Variants in IGSF5 observed in about 807,000 individuals in gnomAD.
The protein encoded by IGSF5 is immunoglobulin superfamily member 5.
A neutral mutation model predicts 39.4 loss-of-function variants in IGSF5; 41 were observed. That is an observed-to-expected ratio of 1.04 (90% CI 0.81 to 1.35). IGSF5 has a LOEUF of 1.35. Among genes scored for constraint, IGSF5 ranks in the 40% most tolerant of loss-of-function variants. The pLI, the probability that IGSF5 is intolerant of heterozygous loss-of-function variation, is 0.00. For missense variants in IGSF5, 487 were observed against 494.6 expected, an observed-to-expected ratio of 0.98 and a Z score of 0.15; for synonymous variants, 183 against 175.3, an observed-to-expected ratio of 1.04 and a Z score of -0.34.
chr21:39,797,715 T>G (rs991259487), intron 8 of IGSF5, among the ~76,000 whole-genome samples: 1 of 151,568 alleles, frequency 6.6e-6, no homozygotes, highest in African/African-American at 2.4e-5. Context: ...GGAATGGGGG[T>G]CTCACTATTT....
intron 2 of IGSF5, among the ~76,000 whole-genome samples, chr21:39,759,062 A>G (rs1040993359): frequency 2.0e-5 from 3 of 148,596 alleles, no homozygotes; most frequent in Non-Finnish European, 4.4e-5. Flanking sequence ...AACTGTGTAG[A>G]CATGTTTTGC....
Position 39,779,291 on chromosome 21 carries a change from G to A in IGSF5, c.920G>A (p.Cys307Tyr). Reference sequence around the variant, plus strand: ...TGCTGCTGCCGTTGTTGTTTCTGCTGTAGAAGAAAAAGAGGTAATTTTTTT... The same window carrying A: ...TGCTGCTGCCGTTGTTGTTTCTGCTATAGAAGAAAAAGAGGTAATTTTTTT... The part of the protein sequence containing the change: ...CNCCCRCCFC[C>Y]RRKRGFRIQF... Residue 307 changes from cysteine (C) to tyrosine (Y), a missense_variant, in exon 5 of 9, where the codon TGT (cysteine) becomes TAT (tyrosine). Transcript: ENST00000380588. 6.2e-7 allele frequency: 1 copy of A among 1,612,114 alleles called. No homozygotes were observed. Among genetic ancestry groups the A allele is most frequent in the Non-Finnish European group, 8.5e-7 (1 of 1,178,702 alleles).
the IGSF5 span, among the ~76,000 whole-genome samples, chr21:39,721,087 A>G: frequency 6.6e-6 from 1 of 152,192 alleles, no homozygotes; most frequent in African/African-American, 2.4e-5. Flanking sequence ...GGGAGATTAA[A>G]TTAGTGAAGC....
intron 2 of IGSF5, among the ~76,000 whole-genome samples, chr21:39,753,456 T>C (rs1406267397): frequency 2.0e-5 from 3 of 152,126 alleles, no homozygotes; most frequent in South Asian, 4.1e-4. Context: ...TCTACAGTTG[T>C]TGGGAAGAAT....
the IGSF5 span, among the ~76,000 whole-genome samples, chr21:39,730,889 G>A: frequency 6.6e-6 from 1 of 152,158 alleles, no homozygotes; most frequent in Non-Finnish European, 1.5e-5. Flanking sequence ...GTCACTAATG[G>A]GAACTCCTGG....
At chr21:39,758,205 C>A (rs78189853) in intron 2 of IGSF5, among the ~76,000 whole-genome samples, 6,828 of 152,056 alleles carry the variant, frequency 0.045, 507 homozygotes, top group African/African-American at 0.15. Context: ...CACAGGAGGC[C>A]GCTGGAACAC....
At chr21:39,776,872 C>T (rs1237530893) in intron 4 of IGSF5, among the ~76,000 whole-genome samples, 1 of 152,200 alleles carries the variant, frequency 6.6e-6, no homozygotes, top group East Asian at 1.9e-4. Context: ...TTAACCCCAG[C>T]CAGCTCCCTT....
chr21:39,727,826 C>G, the IGSF5 span: 2 of 152,254 alleles, frequency 1.3e-5, no homozygotes, highest in African/African-American at 4.8e-5. Flanking sequence ...CTAATTTCAG[C>G]AGAGATGGGG....
the IGSF5 span, among the ~76,000 whole-genome samples, chr21:39,718,186 T>C: frequency 2.6e-5 from 4 of 152,212 alleles, no homozygotes; most frequent in Non-Finnish European, 4.4e-5. Context: ...GTGATTTTTG[T>C]ACATTGATTT....
intron 4 of IGSF5, among the ~76,000 whole-genome samples, chr21:39,778,537 C>T (rs2080152574): frequency 6.6e-6 from 1 of 152,118 alleles, no homozygotes; most frequent in Admixed American, 6.6e-5. Context: ...AAAGCAATTG[C>T]TGTGTGAGGA....
At chr21:39,772,228 C>T (rs993487250) in intron 4 of IGSF5, among the ~76,000 whole-genome samples, 8 of 152,104 alleles carry the variant, frequency 5.3e-5, no homozygotes, top group Admixed American at 2.0e-4. Flanking sequence ...GCAAGGTGAC[C>T]GGGACAGTGC....
At chr21:39,788,220 A>C in intron 6 of IGSF5, 32 bp downstream of exon 6, 1 of 1,513,788 alleles carries the variant, frequency 6.6e-7, no homozygotes, top group Non-Finnish European at 9.1e-7. Context: ...TTTTCTGAAA[A>C]CAAAACAAAA....
chr21:39,796,629 C>T (rs894909187), intron 8 of IGSF5, among the ~76,000 whole-genome samples: 21 of 152,214 alleles, frequency 1.4e-4, no homozygotes, highest in African/African-American at 5.1e-4. Context: ...CGCACACAGG[C>T]CTCCCAGGCC....
chr21:39,747,824 C>G (rs2079983332), intron 2 of IGSF5, among the ~76,000 whole-genome samples: 1 of 151,878 alleles, frequency 6.6e-6, no homozygotes, highest in African/African-American at 2.4e-5. Context: ...GTGACAACTC[C>G]TAAATGTGTG....
chr21:39,756,186 C>A (rs2080029926), intron 2 of IGSF5, among the ~76,000 whole-genome samples: 1 of 152,194 alleles, frequency 6.6e-6, no homozygotes, highest in Non-Finnish European at 1.5e-5. Context: ...TTTCTAAAGA[C>A]CTCAGAGAAA....
the IGSF5 span, among the ~76,000 whole-genome samples, chr21:39,733,470 T>A: frequency 1.3e-5 from 2 of 152,240 alleles, no homozygotes; most frequent in Non-Finnish European, 2.9e-5. Context: ...TAATAATAGT[T>A]CTTTAAATAA....
intron 2 of IGSF5, among the ~76,000 whole-genome samples, chr21:39,755,311 G>A (rs761775716): frequency 3.9e-5 from 6 of 152,164 alleles, no homozygotes; most frequent in African/African-American, 1.2e-4. Context: ...TGATGACCTG[G>A]TGCGGTGGCT....
chr21:39,796,381 T>C lies in IGSF5; in HGVS notation c.1128+2768T>C, dbSNP rs564562538. 8.5e-5 allele frequency among the ~76,000 whole-genome samples: 13 copies of C among 152,190 alleles called. No individual in the cohort carries two copies. In the South Asian group the frequency reaches 2.7e-3, roughly 32 times the overall value. The stretch of plus-strand genomic sequence containing the variant: ...GTCACCAGGTTCGTGCTGTGTGGGG[T>C]GATGAGGACCTCTGAATTCCGAATG... On this transcript the variant is annotated intron_variant, in intron 8 of 8. Transcript: ENST00000380588.
chr21:39,770,863 G>A, intron 3 of IGSF5, 53 bp from the exon 4 acceptor site: 2 of 1,148,246 alleles, frequency 1.7e-6, no homozygotes, highest in South Asian at 3.0e-5. Context: ...AGAAAACTTA[G>A]AAGCGAGAGG....
Sources: gnomAD v4.1 joint callset for allele counts (sites outside exome capture counted in the v4.1 genomes callset) on GRCh38, gnomAD v4.1.1 for gene constraint, MANE v1.5 for transcripts, NCBI Gene and HGNC (gene_info 2026-07-23, HGNC 2026-07-21) for gene names.